SLC45A1: variants seen among roughly 807,000 people sequenced by gnomAD.
SLC45A1 encodes the protein solute carrier family 45 member 1.
In SLC45A1, 28 loss-of-function variants were observed where a neutral mutation model predicts 57.6. The observed-to-expected ratio is 0.49, with a 90% CI of 0.36 to 0.67. SLC45A1 has a LOEUF of 0.67. Ranked by LOEUF, SLC45A1 falls within the 30% of genes least tolerant of loss-of-function variation. The probability of loss-of-function intolerance (pLI) is 0.00; values close to 1 mark genes in which losing one functional copy is unlikely to be tolerated. For missense variants in SLC45A1, 814 were observed against 1,041.5 expected, an observed-to-expected ratio of 0.78 and a Z score of 3.01; for synonymous variants, 459 against 471.5, an observed-to-expected ratio of 0.97 and a Z score of 0.34.
chr1:8,340,679 C>T (rs987310054), intron 8 of SLC45A1, among the ~76,000 whole-genome samples: 1 of 152,116 alleles, frequency 6.6e-6, no homozygotes, highest in African/African-American at 2.4e-5. Context: ...TCCCATCAAC[C>T]GTGGGTATTA....
chr1:8,343,687 C>T lies in SLC45A1; in HGVS notation c.1981-60C>T, dbSNP rs943181051. ...TCCTGGGCTCGCAGGACACACCGAG[C>T]TCGGTCACCCCGTGCTGGCCGCGGC... On this transcript the variant is annotated intron_variant, in intron 8 of 8. Coordinates refer to ENST00000471889, the MANE Select transcript of SLC45A1 (RefSeq NM_001080397.3). The surrounding 1 kb of genome is among the most constrained non-coding windows in gnomAD (Gnocchi z 7.7). 3 of 1,555,398 alleles carry T rather than the reference C, an allele frequency of 1.9e-6. No homozygotes were observed. The highest frequency in any genetic ancestry group is 2.3e-5 in the East Asian group (1 of 44,098).
Position 8,344,112 on chromosome 1 carries a change from C to A in SLC45A1, c.*99C>A, listed in dbSNP as rs1640927262. The A allele has an allele frequency of 2.8e-6, 3 of 1,088,668 alleles. No homozygotes were observed. The highest frequency in any genetic ancestry group is 1.6e-5 in the African/African-American group (1 of 63,486). 67.4% of individuals were successfully genotyped at this position (1,088,668 alleles called of 1,614,324 possible). On this transcript the variant is annotated 3_prime_UTR_variant, in exon 9 of 9. Transcript: ENST00000471889. ...GGGCCTTGTTGGACAGGGGGACTGG[C>A]TGCCTACTGGAATGTAAATATGTGA...
intron 1 of SLC45A1, among the ~76,000 whole-genome samples, chr1:8,321,580 G>C (rs1640009631): frequency 6.6e-6 from 1 of 152,116 alleles, no homozygotes; most frequent in Non-Finnish European, 1.5e-5. Context: ...CAAGAACTGT[G>C]TCTTTTATCT....
At position 8,329,322 on chromosome 1, in the gene SLC45A1, C is replaced by T. The variant is rs948672536; in HGVS notation, c.716-887C>T. On this transcript the variant is annotated intron_variant, in intron 4 of 8. Coordinates refer to ENST00000471889, the MANE Select transcript of SLC45A1 (RefSeq NM_001080397.3). ...TTGCTCCTCACCAGCAGCGGTAAAC[C>T]GAGAGAACCCTCCTCTCCTCTCAAC... 1.3e-4 allele frequency among the ~76,000 whole-genome samples: 20 copies of T among 152,174 alleles called. 1 individual carries two copies. Among genetic ancestry groups the T allele is most frequent in the African/African-American group, 3.9e-4 (16 of 41,436 alleles).
Position 8,324,659 on chromosome 1 carries a change from G to T in SLC45A1, c.330G>T (p.Pro110=). ...SYAMETAYVT[P]VLLQMGLPDQ... is the part of the protein sequence containing the mutation. ...CCATGGAGACGGCGTACGTGACCCCGGTGCTCCTGCAGATGGGCCTGCCCG... is the reference window on the plus strand; with the variant it reads ...CCATGGAGACGGCGTACGTGACCCCTGTGCTCCTGCAGATGGGCCTGCCCG... Residue 110 remains proline, a synonymous_variant, in exon 2 of 9, where the codon CCG becomes CCT. Transcript: ENST00000471889. The T allele has an allele frequency of 6.3e-7, 1 of 1,599,412 alleles. No homozygotes were observed. The highest frequency in any genetic ancestry group is 1.1e-5 in the South Asian group (1 of 88,510).
At chr1:8,331,994 G>A (rs1395797558) in intron 5 of SLC45A1, among the ~76,000 whole-genome samples, 3 of 152,102 alleles carry the variant, frequency 2.0e-5, no homozygotes, top group African/African-American at 7.2e-5. Context: ...GGGTTTCACT[G>A]TGTTAGCCAG....
At position 8,325,007 on chromosome 1, in the gene SLC45A1, G is replaced by T. The variant is rs1640153470; in HGVS notation, c.397+281G>T. 1.3e-5 allele frequency among the ~76,000 whole-genome samples: 2 copies of T among 152,294 alleles called. 1 individual carries two copies. The highest frequency in any genetic ancestry group is 6.8e-3 in the Middle Eastern group (2 of 294). ...GAGGGTCCAACTCATAACGCTTGGT[G>T]TCATGTGAGCCTGGAAGGTCCTGAA... is the stretch of plus-strand genomic sequence containing the variant. On this transcript the variant is annotated intron_variant, in intron 2 of 8. Transcript: ENST00000471889. The surrounding 1 kb of genome is among the most constrained non-coding windows in gnomAD (Gnocchi z 6.3).
In SLC45A1 at chr1:8,335,586, C is replaced by T; in HGVS notation, c.1593C>T (p.Phe531=). ...KALRTLCVNH[F]LGWLSFEGML... Reference sequence around the variant, plus strand: ...TACGCACCCTCTGCGTCAACCACTTCCTGGGTGAGCTCCCGGCCAAGCCTC... The same window carrying T: ...TACGCACCCTCTGCGTCAACCACTTTCTGGGTGAGCTCCCGGCCAAGCCTC... Residue 531 remains phenylalanine, a synonymous_variant, in exon 6 of 9, where the codon TTC becomes TTT. Coordinates refer to ENST00000471889, the MANE Select transcript of SLC45A1 (RefSeq NM_001080397.3). The surrounding 1 kb of genome is among the most constrained non-coding windows in gnomAD (Gnocchi z 4.1). 6.3e-7 allele frequency: 1 copy of T among 1,599,534 alleles called. No homozygotes were observed. Among genetic ancestry groups the T allele is most frequent in the South Asian group, 1.1e-5 (1 of 90,014 alleles).
Position 8,337,988 on chromosome 1 carries a change from C to A in SLC45A1, c.1770C>A (p.Tyr590Ter). The A allele has an allele frequency of 6.2e-7, 1 of 1,613,198 alleles. No homozygotes were observed. Reference protein sequence around the residue: ...MCIYAFSAAFYSAILEKLEEF... With the variant: ...MCIYAFSAAF The stretch of plus-strand genomic sequence containing the variant: ...TCTACGCCTTCAGTGCTGCCTTCTA[C>A]TCAGGTACCCGCTGCCAGCCAGGCT... The change falls in exon 7 of 9, where the codon TAC becomes TAA. Residue 590 changes from tyrosine (Y) to a stop codon, truncating the protein, a stop_gained. Coordinates refer to ENST00000471889, the MANE Select transcript of SLC45A1 (RefSeq NM_001080397.3). LOFTEE classifies it high-confidence loss of function.
At chr1:8,334,455 G>A (rs1569958578) in intron 5 of SLC45A1, among the ~76,000 whole-genome samples, 1 of 152,126 alleles carries the variant, frequency 6.6e-6, no homozygotes, top group East Asian at 1.9e-4. Context: ...ATTCAAAAAC[G>A]ACTAGTTCCC....
chr1:8,329,734 C>T (rs1207825335), intron 4 of SLC45A1, among the ~76,000 whole-genome samples: 1 of 152,202 alleles, frequency 6.6e-6, no homozygotes, highest in African/African-American at 2.4e-5. Context: ...CAGGACCCAT[C>T]TGTGGTCACC....
chr1:8,331,299 T>C (rs1271452142), intron 5 of SLC45A1, among the ~76,000 whole-genome samples: 4 of 141,672 alleles, frequency 2.8e-5, no homozygotes, highest in Non-Finnish European at 6.1e-5. Flanking sequence ...AAAACACTTT[T>C]AAAAAATATT....
intron 8 of SLC45A1, among the ~76,000 whole-genome samples, chr1:8,341,682 G>T (rs1021894102): frequency 6.6e-6 from 1 of 152,062 alleles, no homozygotes; most frequent in Non-Finnish European, 1.5e-5. Flanking sequence ...CAGCACTTTG[G>T]GAGGCCGAGG....
intron 1 of SLC45A1, among the ~76,000 whole-genome samples, chr1:8,322,157 A>G (rs1433353218): frequency 1.4e-4 from 1 of 7,012 alleles, no homozygotes; most frequent in South Asian, 4.4e-3. Context: ...GTGGGTCCAT[A>G]GTTACATGGA....
At chr1:8,338,049 G>A (rs1188063381) in intron 7 of SLC45A1, 57 bp downstream of exon 7, 57 of 1,528,700 alleles carry the variant, frequency 3.7e-5, no homozygotes, top group Non-Finnish European at 3.6e-5. Flanking sequence ...GGTCCATGGA[G>A]CATGCGAAAT....
chr1:8,337,686 G>T, intron 6 of SLC45A1, 130 bp from the exon 7 acceptor site: 1 of 800,772 alleles, frequency 1.2e-6, no homozygotes, highest in African/African-American at 1.7e-5. Flanking sequence ...CCAAAGTGCT[G>T]GGATTACAGG....
Position 8,339,816 on chromosome 1 carries a change from G to A in SLC45A1, c.1980+118G>A, listed in dbSNP as rs779459931. ...GCCCGGTGCAAAATGTCAAGACAGC[G>A]ACCACAGAGCATGAAACCAAGGGGG... On this transcript the variant is annotated intron_variant, in intron 8 of 8. Transcript: ENST00000471889. 79 of 988,194 alleles carry A rather than the reference G, an allele frequency of 8.0e-5. No homozygotes were observed. In the African/African-American group the frequency reaches 9.2e-4, roughly 12 times the overall value. 61.2% of individuals were successfully genotyped at this position (988,194 alleles called of 1,614,324 possible). A position where few individuals can be genotyped will look rare whatever the true frequency, so the allele number is the denominator to read the frequency against.
intron 1 of SLC45A1, among the ~76,000 whole-genome samples, chr1:8,321,710 T>C (rs1388702786): frequency 6.6e-6 from 1 of 151,774 alleles, no homozygotes; most frequent in Non-Finnish European, 1.5e-5. Context: ...GAAGGATGGA[T>C]AGAGGAGTGG....
rs747481559 is a variant in SLC45A1, at chr1:8,330,716, C to G, written c.1223C>G (p.Pro408Arg). Residue 408 changes from proline to arginine, a missense_variant, in exon 5 of 9, where the codon CCC (proline) becomes CGC (arginine). Pro to Arg is a moderately radical substitution (Grantham distance 103). Coordinates refer to ENST00000471889, the MANE Select transcript of SLC45A1 (RefSeq NM_001080397.3). This position sits in a 1 kb window ranked among gnomAD's most constrained non-coding sequence, Gnocchi z 8.4. ...PPISVSFPRA[P>R]DGFYRQDRGL... ...ATCAGCGTCAGCTTCCCCCGGGCCC[C>G]CGACGGCTTCTACCGCCAGGACCGT... 99 of 1,613,184 alleles carry G rather than the reference C, an allele frequency of 6.1e-5. No individual in the cohort carries two copies. The highest frequency in any genetic ancestry group is 8.1e-5 in the Non-Finnish European group (96 of 1,179,980).
Sources: allele counts gnomAD v4.1 joint callset (sites outside exome capture counted in the v4.1 genomes callset), GRCh38; gene constraint gnomAD v4.1.1; non-coding constraint Gnocchi (gnomAD v3.1); transcripts MANE v1.5; gene names NCBI Gene and HGNC (gene_info 2026-07-23, HGNC 2026-07-21).